DPP6: variants seen among roughly 807,000 people sequenced by gnomAD.
The protein encoded by DPP6 is dipeptidyl peptidase like 6, also known as A-type potassium channel modulatory protein DPP6.
A neutral mutation model predicts 122.6 loss-of-function variants in DPP6; 69 were observed. The observed-to-expected ratio is 0.56, with a 90% confidence interval of 0.46 to 0.69. The LOEUF (loss-of-function observed/expected upper bound fraction) is 0.69. Ranked by LOEUF, DPP6 falls within the 30% of genes least tolerant of loss-of-function variation. The pLI is 0.00. For missense variants in DPP6, 928 were observed against 1,116.9 expected (o/e 0.83, Z 2.41); for synonymous variants, 418 against 433.1 (o/e 0.97, Z 0.43).
the DPP6 span, among the ~76,000 whole-genome samples, chr7:153,839,228 C>T: frequency 6.6e-6 from 1 of 152,222 alleles, no homozygotes; most frequent in Non-Finnish European, 1.5e-5. Context: ...AATTCTTACA[C>T]TGGTATCATT....
chr7:153,944,697 T>C (rs7805265), intron 1 of DPP6, among the ~76,000 whole-genome samples: 87,839 of 130,890 alleles, frequency 0.67, 30,260 homozygotes, highest in African/African-American at 0.82. Flanking sequence ...GAGACAGAAT[T>C]TCGGCCCACT....
At chr7:154,050,482 T>G (rs1377439516), upstream of DPP6, among the ~76,000 whole-genome samples, 1 of 152,080 alleles carries the variant, frequency 6.6e-6, no homozygotes, top group Non-Finnish European at 1.5e-5. Context: ...GCATCTATAT[T>G]TAGTGAAATG....
intron 5 of DPP6, among the ~76,000 whole-genome samples, chr7:154,575,592 G>A (rs1238377772): frequency 1.5e-5 from 2 of 133,196 alleles, no homozygotes; most frequent in Admixed American, 7.7e-5. Context: ...GTGAGCGGGT[G>A]TATGTGTGTG....
intron 3 of DPP6, among the ~76,000 whole-genome samples, chr7:154,510,196 G>C (rs961984222): frequency 6.6e-6 from 1 of 152,160 alleles, no homozygotes; most frequent in Non-Finnish European, 1.5e-5. Flanking sequence ...ACTCATGGCA[G>C]GTCCTTAGAA....
At chr7:154,748,365 C>A (rs767110271) in intron 8 of DPP6, among the ~76,000 whole-genome samples, 1 of 152,178 alleles carries the variant, frequency 6.6e-6, no homozygotes, top group Non-Finnish European at 1.5e-5. Flanking sequence ...GAGCTCAGAT[C>A]GGGGGTCTCC....
rs149587559 is a variant in DPP6, at chr7:154,247,668, A to G, written c.243+194605A>G. Among the ~76,000 whole-genome samples, 139 of 152,298 alleles carry G rather than the reference A, an allele frequency of 9.1e-4. 1 individual carries two copies. The highest frequency in any genetic ancestry group is 3.3e-3 in the African/African-American group (136 of 41,562). On this transcript the variant is annotated intron_variant, in intron 1 of 25. Transcript: ENST00000377770. ...TCTTGGTGGGAGAGAGCTCTACAAC[A>G]AGTACAACTACTTGGATAATTGTTT... is the stretch of plus-strand genomic sequence containing the variant.
chr7:153,998,519 A>G (rs1379606685), intron 1 of DPP6, among the ~76,000 whole-genome samples: 1 of 152,190 alleles, frequency 6.6e-6, no homozygotes, highest in East Asian at 1.9e-4. Flanking sequence ...TGCCTCTACT[A>G]CCTTATGCTA....
At chr7:154,167,507 G>T (rs1414806981) in intron 1 of DPP6, among the ~76,000 whole-genome samples, 1 of 152,240 alleles carries the variant, frequency 6.6e-6, no homozygotes, top group African/African-American at 2.4e-5. Context: ...ATTTAGATCA[G>T]CTTTCATCTT....
chr7:154,403,116 A>T lies in DPP6; in HGVS notation c.244-43098A>T, dbSNP rs1362274091. Among the ~76,000 whole-genome samples, 2 of 152,188 alleles carry T rather than the reference A, an allele frequency of 1.3e-5. No homozygotes were observed. The highest frequency in any genetic ancestry group is 2.9e-5 in the Non-Finnish European group (2 of 68,036). On this transcript the variant is annotated intron_variant, in intron 1 of 25. Coordinates refer to ENST00000377770, the MANE Select transcript of DPP6 (RefSeq NM_130797.4). The surrounding 1 kb of genome is among the most constrained non-coding windows in gnomAD (Gnocchi z 4.1). Reference sequence around the variant, plus strand: ...TGCTCAACACTGTCCATCAGTAAGTAAGAGCACCAGAGAATGACTGTCTCT... The same window carrying T: ...TGCTCAACACTGTCCATCAGTAAGTTAGAGCACCAGAGAATGACTGTCTCT...
intron 1 of DPP6, among the ~76,000 whole-genome samples, chr7:153,950,576 C>T (rs1802163376): frequency 6.6e-6 from 1 of 152,094 alleles, no homozygotes; most frequent in Admixed American, 6.6e-5. Flanking sequence ...AATACCACAG[C>T]CCAGGAAGGA....
chr7:154,489,661 C>G (rs1009549618), intron 3 of DPP6, among the ~76,000 whole-genome samples: 1 of 152,084 alleles, frequency 6.6e-6, no homozygotes, highest in African/African-American at 2.4e-5. Context: ...ATCTTCTGTT[C>G]TCTCTCAAGA....
chr7:153,963,910 C>A (rs1170060342), intron 1 of DPP6, among the ~76,000 whole-genome samples: 3 of 152,158 alleles, frequency 2.0e-5, no homozygotes, highest in South Asian at 2.1e-4. Context: ...TTGGCTGAGC[C>A]CTTGCAGCAG....
rs1168552443 is a variant in DPP6, at chr7:154,603,764, G to C, written c.628-34057G>C. ...TCTTTTCTCATAAATATAATGTTAA[G>C]AAGTAGAAGTCAGACATAAAAGAAT... is the stretch of plus-strand genomic sequence containing the variant. On this transcript the variant is annotated intron_variant, in intron 5 of 25. Coordinates refer to ENST00000377770, the MANE Select transcript of DPP6 (RefSeq NM_130797.4). 1.8e-5 allele frequency among the ~76,000 whole-genome samples: 2 copies of C among 113,574 alleles called. 1 individual carries two copies. Among genetic ancestry groups the C allele is most frequent in the Non-Finnish European group, 3.9e-5 (2 of 51,690 alleles). 74.5% of individuals were successfully genotyped at this position (113,574 alleles called of 152,430 possible). A position where few individuals can be genotyped will look rare whatever the true frequency, so the allele number is the denominator to read the frequency against.
At chr7:154,346,825 A>G (rs777726836) in intron 1 of DPP6, among the ~76,000 whole-genome samples, 36 of 152,334 alleles carry the variant, frequency 2.4e-4, no homozygotes, top group South Asian at 6.2e-4. Flanking sequence ...TTGGGGATAC[A>G]CTAAAGCTAC....
At chr7:153,788,965 C>CA in the DPP6 span, among the ~76,000 whole-genome samples, 229 of 134,546 alleles carry the variant, frequency 1.7e-3, 2 homozygotes, top group African/African-American at 3.3e-3. Flanking sequence ...AAGTCTGTCT[C>CA]AAAAAAAAAA....
intron 8 of DPP6, among the ~76,000 whole-genome samples, chr7:154,738,716 A>C (rs1351171043): frequency 2.0e-5 from 3 of 152,160 alleles, no homozygotes; most frequent in Admixed American, 6.5e-5. Context: ...GAAATATTAG[A>C]AATTTGGTTG....
intron 1 of DPP6, chr7:154,094,357 G>A (rs1323179806): frequency 6.6e-6 from 1 of 152,436 alleles, no homozygotes; most frequent in Non-Finnish European, 1.5e-5. Context: ...AGGGAAGAGT[G>A]CTGGCCCTGG....
chr7:154,759,377 T>G (rs1263462434), intron 8 of DPP6, among the ~76,000 whole-genome samples: 3 of 152,190 alleles, frequency 2.0e-5, no homozygotes, highest in African/African-American at 7.2e-5. Flanking sequence ...GGCTTCTCAA[T>G]CACACAACTC....
At chr7:154,703,102 C>G (rs935661122) in intron 7 of DPP6, among the ~76,000 whole-genome samples, 13 of 152,278 alleles carry the variant, frequency 8.5e-5, no homozygotes, top group African/African-American at 3.1e-4. Flanking sequence ...CTGTTTATAC[C>G]ATTGTGTAAT....
Sources: allele counts gnomAD v4.1 joint callset (sites outside exome capture counted in the v4.1 genomes callset), GRCh38; gene constraint gnomAD v4.1.1; non-coding constraint Gnocchi (gnomAD v3.1); transcripts MANE v1.5; gene names NCBI Gene and HGNC (gene_info 2026-07-23, HGNC 2026-07-21).